DOCK2: variants seen among roughly 807,000 people sequenced by gnomAD.
DOCK2 encodes the protein dedicator of cytokinesis protein 2.
In DOCK2, 87 loss-of-function variants were observed where a neutral mutation model predicts 248.9. The ratio of observed to expected loss-of-function variants is 0.35; its 90% CI spans 0.29 to 0.42. The LOEUF (loss-of-function observed/expected upper bound fraction) is 0.42, where lower values mean the gene tolerates loss of function less well. Among genes scored for constraint, DOCK2 ranks in the 10% least tolerant of loss-of-function variants. The pLI, the probability that DOCK2 is intolerant of heterozygous loss-of-function variation, is 1.00. For synonymous variants in DOCK2, 805 were observed against 821.6 expected (o/e 0.98, Z 0.35); for missense variants, 1,747 against 2,300.2 (o/e 0.76, Z 4.92).
intron 6 of DOCK2, among the ~76,000 whole-genome samples, chr5:169,677,368 CTTAAGTCAGT>C (rs1759391620): frequency 1.3e-5 from 2 of 152,304 alleles, no homozygotes; most frequent in Non-Finnish European, 1.5e-5. Context: ...AACTGCAAAT[CTTAAGTCAGT>C]TTCAGCTAGC....
At chr5:169,966,267 A>G (rs17738158) in intron 27 of DOCK2, among the ~76,000 whole-genome samples, 41,279 of 152,034 alleles carry the variant, frequency 0.27, 6,168 homozygotes, top group East Asian at 0.45. Context: ...AATGGGCTGC[A>G]AATGTGTACA....
In DOCK2 at chr5:169,789,078, T is replaced by C. The variant is rs540750159; in HGVS notation, c.2555-13980T>C. Among the ~76,000 whole-genome samples, 5 of 152,314 alleles carry C rather than the reference T, an allele frequency of 3.3e-5. No individual in the cohort carries two copies. The East Asian group carries it at 9.6e-4, about 29-fold the overall frequency. ...TCATCATTTAGCTCCCACTTATAAG[T>C]GAGAACATGTAGTATCTGGTTTTCT... is the stretch of plus-strand genomic sequence containing the variant. On this transcript the variant is annotated intron_variant, in intron 25 of 51. Transcript: ENST00000520908.
chr5:169,682,378 G>A (rs937302878), intron 7 of DOCK2, among the ~76,000 whole-genome samples: 3 of 152,236 alleles, frequency 2.0e-5, no homozygotes, highest in African/African-American at 7.2e-5. Flanking sequence ...CAGGTGCAAA[G>A]GCCCTGAGGT....
At chr5:169,653,834 A>G (rs1757942000) in intron 1 of DOCK2, among the ~76,000 whole-genome samples, 2 of 152,222 alleles carry the variant, frequency 1.3e-5, no homozygotes. Flanking sequence ...GAGCATTACA[A>G]CATGGCAGGC....
At chr5:169,799,311 A>G (rs964649268) in intron 25 of DOCK2, among the ~76,000 whole-genome samples, 5 of 152,236 alleles carry the variant, frequency 3.3e-5, no homozygotes, top group African/African-American at 1.2e-4. Context: ...AAGATAATGC[A>G]CAATTTTTAT....
At chr5:169,713,477 T>C (rs546239158) in intron 17 of DOCK2, among the ~76,000 whole-genome samples, 1 of 152,318 alleles carries the variant, frequency 6.6e-6, no homozygotes, top group South Asian at 2.1e-4. Context: ...ATGTATTCTA[T>C]ATGCATTATT....
At chr5:170,055,555 G>C (rs1283191693) in intron 42 of DOCK2, among the ~76,000 whole-genome samples, 169 bp downstream of exon 42, 1 of 152,208 alleles carries the variant, frequency 6.6e-6, no homozygotes, top group Non-Finnish European at 1.5e-5. Context: ...CAATTAGCTG[G>C]GCTCTGCCCC....
At chr5:169,724,680 G>A (rs1054984397) in intron 22 of DOCK2, among the ~76,000 whole-genome samples, 3 of 151,834 alleles carry the variant, frequency 2.0e-5, no homozygotes, top group Non-Finnish European at 4.4e-5. Flanking sequence ...AGACGTGATT[G>A]CCCTTTCTCT....
chr5:169,757,221 A>T (rs1421846678), intron 23 of DOCK2, among the ~76,000 whole-genome samples: 2 of 152,064 alleles, frequency 1.3e-5, no homozygotes, highest in East Asian at 3.9e-4. Flanking sequence ...CCCTGCAGTC[A>T]TCTGATTTTG....
chr5:169,702,586 C>G (rs1265799226), intron 14 of DOCK2, 159 bp downstream of exon 14: 1 of 1,011,760 alleles, frequency 9.9e-7, no homozygotes, highest in Non-Finnish European at 1.4e-6. Context: ...TTGGTTAGTG[C>G]AGTGTTCCAT....
chr5:169,879,084 G>A (rs1581345037), intron 27 of DOCK2, among the ~76,000 whole-genome samples: 1 of 152,186 alleles, frequency 6.6e-6, no homozygotes, highest in Non-Finnish European at 1.5e-5. Context: ...CATAGCCATA[G>A]CCTCCAGCTG....
At chr5:169,983,656 A>T (rs1425561155) in intron 28 of DOCK2, among the ~76,000 whole-genome samples, 1 of 152,158 alleles carries the variant, frequency 6.6e-6, no homozygotes, top group Non-Finnish European at 1.5e-5. Flanking sequence ...TGATGACTTC[A>T]TTAACATAGA....
In DOCK2 at chr5:170,050,568, T is replaced by C. The variant is rs188082300; in HGVS notation, c.4213+171T>C. Among the ~76,000 whole-genome samples the C allele has an allele frequency of 2.4e-3, 368 of 152,326 alleles. 1 individual carries two copies. Among genetic ancestry groups the C allele is most frequent in the African/African-American group, 8.5e-3 (352 of 41,580 alleles). On this transcript the variant is annotated intron_variant, in intron 41 of 51. Transcript: ENST00000520908. ...TTGGATCCATGTTCTTTGGATCCTT[T>C]TCTGGACTCTTCATGATCCTGGCAT...
At position 169,780,251 on chromosome 5, in the gene DOCK2, C is replaced by T. The variant is rs190721241; in HGVS notation, c.2554+18626C>T. Among the ~76,000 whole-genome samples the T allele has an allele frequency of 2.0e-4, 31 of 151,606 alleles. No individual in the cohort carries two copies. In the East Asian group the frequency reaches 6.0e-3, roughly 30 times the overall value. On this transcript the variant is annotated intron_variant, in intron 25 of 51. Coordinates refer to ENST00000520908, the MANE Select transcript of DOCK2 (RefSeq NM_004946.3). ...TATGACTGAGGAGGGACGGAGTCAG[C>T]TCTGGTTAGATTTGTAAGTTTTAAG...
At chr5:169,696,478 GC>G (rs1760633838) in intron 10 of DOCK2, among the ~76,000 whole-genome samples, 2 of 152,206 alleles carry the variant, frequency 1.3e-5, no homozygotes, top group Admixed American at 6.5e-5. Context: ...CGTCATTCTT[GC>G]CCCACTTTTA....
intron 27 of DOCK2, among the ~76,000 whole-genome samples, chr5:169,939,167 G>A (rs1452198028): frequency 1.3e-5 from 2 of 150,368 alleles, no homozygotes; most frequent in African/African-American, 4.9e-5. Flanking sequence ...GCCTCCCAAA[G>A]TGCTGGGATT....
intron 2 of DOCK2, among the ~76,000 whole-genome samples, chr5:169,657,753 G>A (rs1351489858): frequency 5.3e-5 from 8 of 152,182 alleles, no homozygotes; most frequent in Non-Finnish European, 7.3e-5. Flanking sequence ...GAAGGAGTGA[G>A]TTTGGGATGT....
chr5:169,838,792 G>C (rs1769758142), intron 26 of DOCK2, among the ~76,000 whole-genome samples: 1 of 152,200 alleles, frequency 6.6e-6, no homozygotes, highest in Non-Finnish European at 1.5e-5. Context: ...CACAGGGCTA[G>C]AGAGTCTGGG....
chr5:170,072,232 G>C (rs1311045600), intron 46 of DOCK2, among the ~76,000 whole-genome samples: 3 of 152,018 alleles, frequency 2.0e-5, no homozygotes, highest in Non-Finnish European at 4.4e-5. Context: ...AGGTTATTTT[G>C]CCTGTTCTTG....
Sources: gnomAD v4.1 joint callset for allele counts (sites outside exome capture counted in the v4.1 genomes callset) on GRCh38, gnomAD v4.1.1 for gene constraint, MANE v1.5 for transcripts, NCBI Gene and HGNC (gene_info 2026-07-23, HGNC 2026-07-21) for gene names.